ZFAT: variants seen among roughly 807,000 people sequenced by gnomAD.
ZFAT encodes the protein zinc finger protein ZFAT.
A neutral mutation model predicts 117.7 loss-of-function variants in ZFAT; 64 were observed. That is an observed-to-expected ratio of 0.54 (90% CI 0.44 to 0.67). ZFAT has a LOEUF of 0.67. Among genes scored for constraint, ZFAT ranks in the 30% least tolerant of loss-of-function variants. The pLI is 0.00. For missense variants in ZFAT, 1,433 were observed against 1,584.5 expected (o/e 0.90, Z 1.62); for synonymous variants, 679 against 615.0 (o/e 1.10, Z -1.54).
chr8:134,717,593 C>T (rs996910439), upstream of ZFAT, among the ~76,000 whole-genome samples: 1 of 147,182 alleles, frequency 6.8e-6, no homozygotes, highest in African/African-American at 2.5e-5. Flanking sequence ...ATGCCATTCT[C>T]CTGCTCAGCC....
At chr8:134,486,390 C>T (rs1242689716) in intron 15 of ZFAT, among the ~76,000 whole-genome samples, 2 of 152,136 alleles carry the variant, frequency 1.3e-5, no homozygotes, top group African/African-American at 4.8e-5. Context: ...CCTCTGTCAC[C>T]GTCGCCACCA....
intron 2 of ZFAT, among the ~76,000 whole-genome samples, chr8:134,644,232 CAACA>C (rs1830745468): frequency 1.3e-5 from 2 of 152,056 alleles, no homozygotes; most frequent in Admixed American, 1.3e-4. Flanking sequence ...AGCAGGCACC[CAACA>C]AACAGTTAAT....
the ZFAT span, chr8:134,765,989 C>T: frequency 6.6e-6 from 1 of 152,206 alleles, no homozygotes; most frequent in Non-Finnish European, 1.5e-5. Flanking sequence ...ATAAATAATG[C>T]TATTGCACAC....
At chr8:134,639,955 C>G in intron 2 of ZFAT, 1 of 357,438 alleles carries the variant, frequency 2.8e-6, no homozygotes, top group Non-Finnish European at 5.5e-6. Flanking sequence ...AGAAGTCTGG[C>G]CTTTGCCCTT....
At chr8:134,542,105 C>A (rs1342789320) in intron 11 of ZFAT, among the ~76,000 whole-genome samples, 1 of 152,210 alleles carries the variant, frequency 6.6e-6, no homozygotes, top group Non-Finnish European at 1.5e-5. Flanking sequence ...CATGGTCACC[C>A]TCGTTCACTG....
At chr8:134,772,651 G>T in the ZFAT span, among the ~76,000 whole-genome samples, 1 of 152,212 alleles carries the variant, frequency 6.6e-6, no homozygotes, top group Non-Finnish European at 1.5e-5. Flanking sequence ...GATCCAGAAA[G>T]TCTAGCTAAG....
chr8:134,769,668 T>G, the ZFAT span, among the ~76,000 whole-genome samples: 2 of 152,306 alleles, frequency 1.3e-5, no homozygotes, highest in East Asian at 3.9e-4. Context: ...CAGTAGGGAC[T>G]CTGTGTGGGG....
intron 2 of ZFAT, among the ~76,000 whole-genome samples, chr8:134,638,993 C>T (rs188182759): frequency 6.2e-4 from 94 of 152,286 alleles, no homozygotes; most frequent in Non-Finnish European, 7.3e-5. Flanking sequence ...CTTGGGTACA[C>T]GTGCATCTGT....
Position 134,610,521 on chromosome 8 carries a change from C to T in ZFAT, c.583G>A (p.Ala195Thr), listed in dbSNP as rs1184296987. 7 of 1,614,048 alleles carry T rather than the reference C, an allele frequency of 4.3e-6. No homozygotes were observed. The highest frequency in any genetic ancestry group is 5.1e-6 in the Non-Finnish European group (6 of 1,180,028). Residue 195 changes from alanine to threonine, a missense_variant, in exon 4 of 16, where the codon GCG (alanine) becomes ACG (threonine). This residue lies in a region of ZFAT where 436 missense variants were observed against 482.0 expected (regional missense o/e 0.90). Coordinates refer to ENST00000377838, the MANE Select transcript of ZFAT (RefSeq NM_020863.4). ...ACCACACTTATGATGGGTTTCTTCG[C>T]CCCAGAAAGCTGTCTGGCCTCCTTT... is the stretch of plus-strand genomic sequence containing the variant. ...SGKEARQLSG[A>T]KKPIISVVLT... is the part of the protein sequence containing the mutation.
At chr8:134,484,712 C>A (rs958779083) in intron 15 of ZFAT, among the ~76,000 whole-genome samples, 3 of 152,172 alleles carry the variant, frequency 2.0e-5, no homozygotes, top group African/African-American at 7.2e-5. Flanking sequence ...GAGAACAGAG[C>A]CAGAATGTCT....
intron 1 of ZFAT, among the ~76,000 whole-genome samples, chr8:134,688,712 A>G (rs1055761193): frequency 1.3e-5 from 2 of 152,098 alleles, no homozygotes; most frequent in African/African-American, 2.4e-5. Flanking sequence ...CACACATGCC[A>G]CCTTCGACTT....
At chr8:134,529,904 G>C (rs750128623) in intron 12 of ZFAT, among the ~76,000 whole-genome samples, 3 of 152,166 alleles carry the variant, frequency 2.0e-5, no homozygotes, top group Non-Finnish European at 4.4e-5. Flanking sequence ...AAACTCCATG[G>C]AGAATGCCAT....
chr8:134,555,335 A>G (rs1823493783), intron 11 of ZFAT, among the ~76,000 whole-genome samples: 1 of 152,234 alleles, frequency 6.6e-6, no homozygotes, highest in Non-Finnish European at 1.5e-5. Flanking sequence ...CCAGAAATAA[A>G]GGCAGGTATT....
intron 11 of ZFAT, among the ~76,000 whole-genome samples, chr8:134,534,843 C>T (rs539064665): frequency 1.2e-4 from 18 of 151,668 alleles, no homozygotes; most frequent in African/African-American, 3.9e-4. Context: ...TCCACCTCAC[C>T]CCCTGCCTAA....
chr8:134,606,019 T>G (rs986934616), intron 5 of ZFAT, among the ~76,000 whole-genome samples: 1 of 152,038 alleles, frequency 6.6e-6, no homozygotes, highest in African/African-American at 2.4e-5. Flanking sequence ...GGACAAGACA[T>G]TTGAGCAGAA....
chr8:134,661,553 A>G (rs6981980), intron 1 of ZFAT, among the ~76,000 whole-genome samples: 135,289 of 152,212 alleles, frequency 0.89, 60,368 homozygotes, highest in African/African-American at 0.94. Flanking sequence ...TGGACACCTC[A>G]GTGCACCTGG....
the ZFAT span, among the ~76,000 whole-genome samples, chr8:134,818,923 G>A: frequency 6.6e-6 from 1 of 152,320 alleles, no homozygotes; most frequent in South Asian, 2.1e-4. Context: ...GAGAATGCAG[G>A]GGAGGGTTAT....
At chr8:134,605,501 G>A (rs993342604) in intron 5 of ZFAT, among the ~76,000 whole-genome samples, 5 of 150,220 alleles carry the variant, frequency 3.3e-5, no homozygotes, top group Admixed American at 1.3e-4. Flanking sequence ...AGCCCAGATC[G>A]CGCCACTGCA....
At position 134,490,790 on chromosome 8, in the gene ZFAT, C is replaced by T. The variant is rs149651330; in HGVS notation, c.3493-12069G>A. ...AAGTCCATAAAGCAGGAATTCTCAC[C>T]CTTTCAGAAGTCTGAGAGGCAAGTC... On this transcript the variant is annotated intron_variant, in intron 15 of 15. Coordinates refer to ENST00000377838, the MANE Select transcript of ZFAT (RefSeq NM_020863.4). Among the ~76,000 whole-genome samples the T allele has an allele frequency of 7.2e-5, 11 of 152,306 alleles. No individual in the cohort carries two copies. In the East Asian group the frequency reaches 2.1e-3, roughly 29 times the overall value.
Sources: allele counts gnomAD v4.1 joint callset (sites outside exome capture counted in the v4.1 genomes callset), GRCh38; gene constraint gnomAD v4.1.1; regional missense constraint gnomAD v4.1.1; transcripts MANE v1.5; gene names NCBI Gene and HGNC (gene_info 2026-07-23, HGNC 2026-07-21).